Variants in EPB41 observed in about 807,000 individuals in gnomAD.
EPB41 encodes protein 4.1.
A neutral mutation model predicts 108.0 loss-of-function variants in EPB41; 65 were observed. The ratio of observed to expected loss-of-function variants is 0.60; its 90% CI spans 0.49 to 0.74. EPB41 has a LOEUF of 0.74. Ranked by LOEUF, EPB41 falls within the 30% of genes least tolerant of loss-of-function variation. The pLI is 0.00. For synonymous variants in EPB41, 336 were observed against 358.9 expected, an observed-to-expected ratio of 0.94 and a Z score of 0.72; for missense variants, 875 against 1,037.0, an observed-to-expected ratio of 0.84 and a Z score of 2.15.
At chr1:29,083,005 G>A (rs1241465662) in intron 16 of EPB41, among the ~76,000 whole-genome samples, 3 of 152,142 alleles carry the variant, frequency 2.0e-5, no homozygotes, top group African/African-American at 7.2e-5. Context: ...ATCAACTCTA[G>A]TAAAGGCCCA....
At chr1:28,984,548 TAG>T (rs1486715644) in intron 1 of EPB41, among the ~76,000 whole-genome samples, 1 of 152,164 alleles carries the variant, frequency 6.6e-6, no homozygotes, top group African/African-American at 2.4e-5. Context: ...ATGAATCAAT[TAG>T]TATCATGCAT....
In EPB41 at chr1:28,887,317, C is replaced by A; in HGVS notation, c.-8+107C>A. On this transcript the variant is annotated intron_variant, in intron 1 of 16. Transcript: ENST00000347529. The surrounding 1 kb of genome is among the most constrained non-coding windows in gnomAD (Gnocchi z 4.9). Reference sequence around the variant, plus strand: ...TCGGACCGTCCCGGGAGAGGCGAGACCAGGGTCGAAGGGTCCAGGGCTGAG... The same window carrying A: ...TCGGACCGTCCCGGGAGAGGCGAGAACAGGGTCGAAGGGTCCAGGGCTGAG... 2.5e-6 allele frequency: 3 copies of A among 1,204,126 alleles called. No homozygotes were observed. The highest frequency in any genetic ancestry group is 3.2e-6 in the Non-Finnish European group (3 of 948,292). The allele number at this position is 1,204,126 out of a possible 1,614,324, so 74.6% of individuals were successfully genotyped here.
At chr1:29,006,905 TAA>T (rs771320169) in intron 4 of EPB41, among the ~76,000 whole-genome samples, 2 of 139,948 alleles carry the variant, frequency 1.4e-5, no homozygotes, top group Admixed American at 7.2e-5. Flanking sequence ...ATCCCAAAAT[TAA>T]AAAAAAAAAA....
intron 12 of EPB41, 108 bp from the exon 13 acceptor site, chr1:29,058,481 C>T (rs570821607): frequency 2.1e-6 from 2 of 935,122 alleles, no homozygotes; most frequent in East Asian, 5.2e-5. Flanking sequence ...GATTACGTAT[C>T]AGCGTATTTC....
At chr1:28,938,406 T>C (rs1470100421) in intron 1 of EPB41, among the ~76,000 whole-genome samples, 1 of 152,210 alleles carries the variant, frequency 6.6e-6, no homozygotes, top group East Asian at 1.9e-4. Flanking sequence ...TCAATGCAAA[T>C]CTTGTATGTA....
intron 18 of EPB41, among the ~76,000 whole-genome samples, chr1:29,109,965 C>T (rs550996335): frequency 9.4e-4 from 143 of 152,214 alleles, no homozygotes; most frequent in African/African-American, 3.3e-3. Flanking sequence ...ACCCAGGAAG[C>T]AGAGATTACA....
At chr1:28,992,866 A>G (rs1036222626) in intron 2 of EPB41, among the ~76,000 whole-genome samples, 6 of 152,204 alleles carry the variant, frequency 3.9e-5, no homozygotes, top group African/African-American at 1.4e-4. Flanking sequence ...TGTTTGCTTA[A>G]TGATGTGAAA....
At chr1:28,969,436 C>T (rs370297793) in intron 1 of EPB41, among the ~76,000 whole-genome samples, 1 of 151,730 alleles carries the variant, frequency 6.6e-6, no homozygotes, top group Non-Finnish European at 1.5e-5. Context: ...AGTAAGCTTA[C>T]GTGTTTGACT....
At chr1:28,986,514 C>A (rs918202087) in intron 1 of EPB41, among the ~76,000 whole-genome samples, 2 of 152,184 alleles carry the variant, frequency 1.3e-5, no homozygotes, top group African/African-American at 4.8e-5. Flanking sequence ...TCAACACTTG[C>A]TTTATAAGTT....
In EPB41 at chr1:29,018,388, C is replaced by T. The variant is rs202197419; in HGVS notation, c.1070C>T (p.Pro357Leu). ...TATGTTAGTGATTTTAAACTGGCCC[C>T]GAATCAGACCAAGGAACTTGAAGAG... ...VDYVSDFKLA[P>L]NQTKELEEKV... Residue 357 changes from proline (P) to leucine (L), a missense_variant, in exon 7 of 21, where the codon CCG becomes CTG. By Grantham distance (98) the Pro-to-Leu change is moderately conservative (BLOSUM62 -3). This residue lies in a region of EPB41 where 519 missense variants were observed against 627.3 expected (regional missense o/e 0.83). Transcript: ENST00000343067. This position sits in a 1 kb window ranked among gnomAD's most constrained non-coding sequence, Gnocchi z 4.4. 5.6e-6 allele frequency: 9 copies of T among 1,614,048 alleles called. No individual in the cohort carries two copies. The highest frequency in any genetic ancestry group is 4.5e-5 in the East Asian group (2 of 44,878).
At chr1:29,000,850 A>G (rs1437812065) in intron 4 of EPB41, among the ~76,000 whole-genome samples, 1 of 150,298 alleles carries the variant, frequency 6.7e-6, no homozygotes, top group African/African-American at 2.4e-5. Flanking sequence ...TTTAATTTTT[A>G]TTTTTAATTA....
At chr1:29,034,759 A>G (rs1195253007) in intron 9 of EPB41, among the ~76,000 whole-genome samples, 2 of 152,188 alleles carry the variant, frequency 1.3e-5, no homozygotes, top group African/African-American at 4.8e-5. Context: ...TTAATGATTC[A>G]AGAATCTGAG....
chr1:29,109,804 C>A, intron 18 of EPB41: 1 of 343,246 alleles, frequency 2.9e-6, no homozygotes, highest in South Asian at 2.5e-5. Flanking sequence ...GAGGCCAAGG[C>A]AGGTGGATCA....
chr1:28,951,327 AC>A lies in EPB41; in HGVS notation c.-7-36103del, dbSNP rs199556102. Among the ~76,000 whole-genome samples the A allele has an allele frequency of 6.4e-3, 974 of 151,468 alleles. 11 individuals carry two copies. The highest frequency in any genetic ancestry group is 0.027 in the Middle Eastern group (8 of 294). On this transcript the variant is annotated intron_variant, in intron 1 of 20. Coordinates refer to ENST00000343067, the MANE Select transcript of EPB41 (RefSeq NM_001376013.1). Reference sequence around the variant, plus strand: ...AACATAAGACCCCATTAAAAAAAAAACAACCCCAACTCTTACACATTTACCC... The same window carrying A: ...AACATAAGACCCCATTAAAAAAAAAAAACCCCAACTCTTACACATTTACCC...
chr1:28,897,674 G>C (rs1233628121), intron 1 of EPB41, among the ~76,000 whole-genome samples: 1 of 147,134 alleles, frequency 6.8e-6, no homozygotes, highest in African/African-American at 2.5e-5. Context: ...GGAGGGAAGG[G>C]AAGAAAGGAA....
chr1:28,888,577 A>C (rs1331186160), intron 1 of EPB41, among the ~76,000 whole-genome samples: 1 of 152,256 alleles, frequency 6.6e-6, no homozygotes, highest in Non-Finnish European at 1.5e-5. Flanking sequence ...GACACTTCGG[A>C]AATCACTGTA....
intron 12 of EPB41, chr1:29,054,373 A>G (rs1412969343): frequency 6.6e-6 from 1 of 152,180 alleles, no homozygotes; most frequent in African/African-American, 2.4e-5. Context: ...GAAGAATTAC[A>G]TTTTTATATG....
intron 16 of EPB41, among the ~76,000 whole-genome samples, chr1:29,068,024 G>A (rs1454168444): frequency 2.0e-5 from 3 of 152,148 alleles, no homozygotes; most frequent in Non-Finnish European, 4.4e-5. Flanking sequence ...GTCATAAAGG[G>A]TCTAGTATTT....
intron 12 of EPB41, among the ~76,000 whole-genome samples, chr1:29,057,374 A>G (rs1385880122): frequency 2.2e-4 from 6 of 26,848 alleles, no homozygotes; most frequent in Admixed American, 4.0e-4. Flanking sequence ...ACTCTGTCTC[A>G]AAAAAAAAAA....
Sources: allele counts gnomAD v4.1 joint callset (sites outside exome capture counted in the v4.1 genomes callset), GRCh38; gene constraint gnomAD v4.1.1; regional missense constraint gnomAD v4.1.1; non-coding constraint Gnocchi (gnomAD v3.1); transcripts MANE v1.5; gene names NCBI Gene and HGNC (gene_info 2026-07-23, HGNC 2026-07-21).